Variants in MLXIP observed in about 807,000 individuals in gnomAD.
MLXIP encodes MLX interacting protein.
Under a neutral mutation model 87.2 loss-of-function variants are expected in MLXIP, and 30 were observed. That is an observed-to-expected ratio of 0.34 (90% CI 0.26 to 0.47). The LOEUF is 0.47. MLXIP is among the 20% of genes least tolerant of loss of function. The probability of loss-of-function intolerance (pLI) is 1.00; values close to 1 mark genes in which losing one functional copy is unlikely to be tolerated. For synonymous variants in MLXIP, 530 were observed against 514.0 expected (o/e 1.03, Z -0.42); for missense variants, 1,002 against 1,240.1 (o/e 0.81, Z 2.88).
intron 1 of MLXIP, among the ~76,000 whole-genome samples, chr12:122,123,077 C>T (rs991076573): frequency 6.6e-6 from 1 of 152,112 alleles, no homozygotes; most frequent in Non-Finnish European, 1.5e-5. Flanking sequence ...TGTCCCTGCT[C>T]CTCTCCTTGA....
At chr12:122,134,159 G>T (rs1953038582) in intron 9 of MLXIP, 172 bp downstream of exon 9, 3 of 797,998 alleles carry the variant, frequency 3.8e-6, no homozygotes, top group Non-Finnish European at 5.6e-6. Flanking sequence ...ACATGGCCAT[G>T]ATCTAGTCCG....
Position 122,137,400 on chromosome 12 carries a change from C to T in MLXIP, c.2033-69C>T. On this transcript the variant is annotated intron_variant, in intron 11 of 16. Coordinates refer to ENST00000319080, the MANE Select transcript of MLXIP (RefSeq NM_014938.6). The surrounding 1 kb of genome is among the most constrained non-coding windows in gnomAD (Gnocchi z 4.1). ...CGAGCACCTCATAACCCTGCAGAGA[C>T]CCCAGGCTGCCTCCTGGTGGCGTTG... 6.4e-7 allele frequency: 1 copy of T among 1,560,566 alleles called. No homozygotes were observed. Among genetic ancestry groups the T allele is most frequent in the Non-Finnish European group, 8.7e-7 (1 of 1,154,174 alleles).
intron 1 of MLXIP, among the ~76,000 whole-genome samples, chr12:122,123,067 T>A (rs1952810399): frequency 6.6e-6 from 1 of 152,076 alleles, no homozygotes; most frequent in Non-Finnish European, 1.5e-5. Flanking sequence ...GCGTAGGAAA[T>A]GTCCCTGCTC....
chr12:122,117,641 C>G (rs1004623369), intron 1 of MLXIP, among the ~76,000 whole-genome samples: 1 of 152,222 alleles, frequency 6.6e-6, no homozygotes. Flanking sequence ...CCTAGAATGT[C>G]TTGGACCTTG....
chr12:122,135,500 C>T lies in MLXIP; in HGVS notation c.1866C>T (p.Val622=), dbSNP rs1219890545. 5.0e-6 allele frequency: 8 copies of T among 1,609,536 alleles called. No individual in the cohort carries two copies. The Admixed American group carries it at 8.4e-5, about 17-fold the overall frequency. ...APAAIARAPG[V]PEFHSSILVT... is the part of the protein sequence containing the mutation. ...CCATGTCACTGCAGGCTCCTGGGGT[C>T]CCGGAGTTCCACAGCAGCATCCTGG... The change falls in exon 11 of 17, where the codon GTC becomes GTT. Residue 622 remains valine (V), a synonymous_variant. Transcript: ENST00000319080. The surrounding 1 kb of genome is among the most constrained non-coding windows in gnomAD (Gnocchi z 5.3).
intron 1 of MLXIP, among the ~76,000 whole-genome samples, chr12:122,091,420 G>C (rs1421534950): frequency 6.6e-6 from 1 of 152,096 alleles, no homozygotes; most frequent in Admixed American, 6.6e-5. Flanking sequence ...CTTTACGGCC[G>C]GGTGCAGTGG....
At chr12:122,095,716 C>A (rs1432287681) in intron 1 of MLXIP, among the ~76,000 whole-genome samples, 1 of 151,608 alleles carries the variant, frequency 6.6e-6, no homozygotes, top group Non-Finnish European at 1.5e-5. Flanking sequence ...CATAGAAAAT[C>A]AGAAATATAG....
At position 122,133,780 on chromosome 12, in the gene MLXIP, A is replaced by T; in HGVS notation, c.1525A>T (p.Ile509Phe). The T allele has an allele frequency of 1.2e-6, 2 of 1,613,140 alleles. No homozygotes were observed. The highest frequency in any genetic ancestry group is 8.5e-7 in the Non-Finnish European group (1 of 1,179,672). ...CTTTAGCCAGAGTCAGGGCCTTGTG[A>T]TCACCACCCATCACCCTGCCCCGTC... ...TTFSQSQGLV[I>F]TTHHPAPSAA... The change falls in exon 9 of 17, where the codon ATC (isoleucine) becomes TTC (phenylalanine). Residue 509 changes from isoleucine (I) to phenylalanine (F), a missense_variant. Coordinates refer to ENST00000319080, the MANE Select transcript of MLXIP (RefSeq NM_014938.6). This position sits in a 1 kb window ranked among gnomAD's most constrained non-coding sequence, Gnocchi z 4.9.
chr12:122,134,295 A>G (rs1953042312), intron 9 of MLXIP: 2 of 388,682 alleles, frequency 5.1e-6, no homozygotes, highest in East Asian at 9.6e-5. Context: ...CCCGGGTTCA[A>G]GCGATTCTCC....
intron 3 of MLXIP, 126 bp downstream of exon 3, chr12:122,128,094 T>C: frequency 1.3e-6 from 1 of 791,474 alleles, no homozygotes; most frequent in Non-Finnish European, 2.1e-6. Context: ...CCCTGCGCCA[T>C]CCATGCCCTG....
intron 1 of MLXIP, among the ~76,000 whole-genome samples, chr12:122,124,245 A>T (rs181310119): frequency 0.65 from 15,848 of 24,296 alleles, 5,015 homozygotes; most frequent in Middle Eastern, 0.77. Flanking sequence ...GCCGTCCCCC[A>T]CCTCAGCCGC....
Position 122,137,594 on chromosome 12 carries a change from C to T in MLXIP, c.2154+4C>T. The T allele has an allele frequency of 6.2e-7, 1 of 1,613,460 alleles. No homozygotes were observed. The highest frequency in any genetic ancestry group is 8.5e-7 in the Non-Finnish European group (1 of 1,179,592). On this transcript the variant is annotated splice_donor_region_variant and intron_variant, in intron 12 of 16. Coordinates refer to ENST00000319080, the MANE Select transcript of MLXIP (RefSeq NM_014938.6). The surrounding 1 kb of genome is among the most constrained non-coding windows in gnomAD (Gnocchi z 4.1). Reference sequence around the variant, plus strand: ...CAAAAATGTGGCTGCACTAAAGGTACCGCATGTCTCCTCTTGGTTCCCTTG... The same window carrying T: ...CAAAAATGTGGCTGCACTAAAGGTATCGCATGTCTCCTCTTGGTTCCCTTG...
At chr12:122,110,413 G>A (rs568909804) in intron 1 of MLXIP, among the ~76,000 whole-genome samples, 33 of 152,148 alleles carry the variant, frequency 2.2e-4, no homozygotes, top group Admixed American at 2.1e-3. Flanking sequence ...TCAGCCTCGT[G>A]AGTAGCTGGG....
rs1406173439 is a variant in MLXIP at position 122,144,287 on chromosome 12, G to A, written c.*2475G>A. Reference sequence around the variant, plus strand: ...AAAATGCTGACGCTTTGGAGAGTAAGAAAATCAATCTTGGCTGGGCACGGT... The same window carrying A: ...AAAATGCTGACGCTTTGGAGAGTAAAAAAATCAATCTTGGCTGGGCACGGT... On this transcript the variant is annotated 3_prime_UTR_variant, in exon 17 of 17. Transcript: ENST00000319080. 2.0e-5 allele frequency: 3 copies of A among 152,278 alleles called. No homozygotes were observed. Among genetic ancestry groups the A allele is most frequent in the Non-Finnish European group, 4.4e-5 (3 of 68,012 alleles). The allele number at this position is 152,278 out of a possible 1,614,324, so 9.4% of individuals were successfully genotyped here.
Position 122,135,268 on chromosome 12 carries a change from C to T in MLXIP, c.1777C>T (p.Pro593Ser), listed in dbSNP as rs1225931833. 1 of 1,613,628 alleles carries T rather than the reference C, an allele frequency of 6.2e-7. No individual in the cohort carries two copies. Among genetic ancestry groups the T allele is most frequent in the East Asian group, 2.2e-5 (1 of 44,876 alleles). Residue 593 changes from proline (P) to serine (S), a missense_variant, in exon 10 of 17, where the codon CCT becomes TCT. Around this residue, in one of 3 missense-constraint regions of MLXIP, gnomAD observed 746 missense variants for 897.0 expected, o/e 0.83. Coordinates refer to ENST00000319080, the MANE Select transcript of MLXIP (RefSeq NM_014938.6). This position sits in a 1 kb window ranked among gnomAD's most constrained non-coding sequence, Gnocchi z 5.3. The part of the protein sequence containing the change: ...QPQAVIMTSG[P>S]LKREGMLAST... ...ACAAGCGGTGATCATGACGTCAGGG[C>T]CTCTGAAGAGAGAAGGGATGTTGGC...
At chr12:122,123,169 T>G (rs574900478) in intron 1 of MLXIP, among the ~76,000 whole-genome samples, 2 of 152,188 alleles carry the variant, frequency 1.3e-5, no homozygotes, top group East Asian at 3.9e-4. Flanking sequence ...TCGTCCAGGG[T>G]GTCCCTTCCT....
chr12:122,116,235 T>C (rs2135950448), intron 1 of MLXIP, among the ~76,000 whole-genome samples: 1 of 152,302 alleles, frequency 6.6e-6, no homozygotes, highest in Non-Finnish European at 1.5e-5. Context: ...GAGCTCTTTG[T>C]TCCATTTGTG....
At chr12:122,098,877 A>C (rs969884519) in intron 1 of MLXIP, among the ~76,000 whole-genome samples, 1 of 152,206 alleles carries the variant, frequency 6.6e-6, no homozygotes, top group African/African-American at 2.4e-5. Flanking sequence ...CCAGAGAAGA[A>C]ACCACTTCCC....
intron 1 of MLXIP, among the ~76,000 whole-genome samples, chr12:122,079,991 TGAGGGA>T (rs1484950860): frequency 6.6e-6 from 1 of 152,190 alleles, no homozygotes; most frequent in African/African-American, 2.4e-5. Context: ...AAACATTATA[TGAGGGA>T]GATGTCATTG....
Sources: allele counts gnomAD v4.1 joint callset (sites outside exome capture counted in the v4.1 genomes callset), GRCh38; gene constraint gnomAD v4.1.1; regional missense constraint gnomAD v4.1.1; non-coding constraint Gnocchi (gnomAD v3.1); transcripts MANE v1.5; gene names NCBI Gene and HGNC (gene_info 2026-07-23, HGNC 2026-07-21).